ST3GAL3: variants seen among roughly 807,000 people sequenced by gnomAD.
ST3GAL3 encodes CMP-N-acetylneuraminate-beta-1,4-galactoside alpha-2,3-sialyltransferase.
Under a neutral mutation model 50.1 loss-of-function variants are expected in ST3GAL3, and 21 were observed. That is an observed-to-expected ratio of 0.42 (90% CI 0.30 to 0.60). ST3GAL3 has a LOEUF of 0.60. Among genes scored for constraint, ST3GAL3 ranks in the 20% least tolerant of loss-of-function variants. The pLI, the probability that ST3GAL3 is intolerant of heterozygous loss-of-function variation, is 0.19. For synonymous variants in ST3GAL3, 183 were observed against 190.0 expected (o/e 0.96, Z 0.30); for missense variants, 353 against 489.4 (o/e 0.72, Z 2.63).
chr1:43,885,056 A>G (rs2075747986), intron 5 of ST3GAL3, among the ~76,000 whole-genome samples: 1 of 152,228 alleles, frequency 6.6e-6, no homozygotes, highest in Non-Finnish European at 1.5e-5. Flanking sequence ...TGTTGAGGAC[A>G]TTCACCTTAT....
At chr1:43,735,594 T>C (rs1433146359) in intron 1 of ST3GAL3, among the ~76,000 whole-genome samples, 1 of 152,160 alleles carries the variant, frequency 6.6e-6, no homozygotes, top group Admixed American at 6.5e-5. Context: ...TGGATTCTTC[T>C]CCAGGGCCTC....
intron 2 of ST3GAL3, among the ~76,000 whole-genome samples, chr1:43,754,061 G>A (rs993632523): frequency 2.0e-5 from 3 of 152,076 alleles, no homozygotes; most frequent in Non-Finnish European, 4.4e-5. Context: ...AAAAGGAGAG[G>A]GTCTTGCTCT....
chr1:43,717,115 C>T (rs1003762332), intron 1 of ST3GAL3, among the ~76,000 whole-genome samples: 1 of 152,212 alleles, frequency 6.6e-6, no homozygotes, highest in Non-Finnish European at 1.5e-5. Flanking sequence ...TCAGGCAACG[C>T]CTCTGAAGCT....
chr1:43,741,698 A>G (rs546694466), intron 2 of ST3GAL3, among the ~76,000 whole-genome samples: 14 of 152,366 alleles, frequency 9.2e-5, no homozygotes, highest in African/African-American at 3.4e-4. Context: ...TGGTATCAGA[A>G]CTAGCCTCCT....
At chr1:43,871,838 A>AG (rs1255252506) in intron 5 of ST3GAL3, among the ~76,000 whole-genome samples, 2 of 3,304 alleles carry the variant, frequency 6.1e-4, no homozygotes, top group African/African-American at 3.3e-3. Context: ...GAGGGAGAGG[A>AG]GGGGTGTGGG....
At chr1:43,761,826 C>T (rs1361338342) in intron 2 of ST3GAL3, among the ~76,000 whole-genome samples, 1 of 151,604 alleles carries the variant, frequency 6.6e-6, no homozygotes, top group Non-Finnish European at 1.5e-5. Context: ...TGGTGGGCGC[C>T]TGTAGTCCCA....
intron 5 of ST3GAL3, among the ~76,000 whole-genome samples, chr1:43,846,968 A>T (rs749722746): frequency 2.6e-5 from 4 of 152,232 alleles, no homozygotes; most frequent in Non-Finnish European, 5.9e-5. Context: ...AAAAAAACTG[A>T]TTTAAAAGCG....
chr1:43,766,071 TA>T (rs1270964150), intron 2 of ST3GAL3, among the ~76,000 whole-genome samples: 1 of 152,020 alleles, frequency 6.6e-6, no homozygotes, highest in Non-Finnish European at 1.5e-5. Flanking sequence ...AGAGCTGGAA[TA>T]AAAAATCCAG....
At chr1:43,745,293 G>A (rs939800572) in intron 2 of ST3GAL3, among the ~76,000 whole-genome samples, 5 of 152,212 alleles carry the variant, frequency 3.3e-5, no homozygotes, top group Non-Finnish European at 5.9e-5. Context: ...AGGGATGGGG[G>A]ATGGGTAAAT....
chr1:43,759,447 A>G, intron 2 of ST3GAL3, among the ~76,000 whole-genome samples: 1 of 152,340 alleles, frequency 6.6e-6, no homozygotes, highest in East Asian at 1.9e-4. Context: ...CCATCTCAAA[A>G]AAACAAACAA....
At chr1:43,843,012 A>G (rs1243915829) in intron 5 of ST3GAL3, among the ~76,000 whole-genome samples, 2 of 152,228 alleles carry the variant, frequency 1.3e-5, no homozygotes, top group Non-Finnish European at 2.9e-5. Flanking sequence ...ATACATGGAC[A>G]GTCTTGTCGT....
chr1:43,752,200 A>G (rs1290430248), intron 2 of ST3GAL3, among the ~76,000 whole-genome samples: 1 of 152,140 alleles, frequency 6.6e-6, no homozygotes, highest in Non-Finnish European at 1.5e-5. Flanking sequence ...TTAATCTACT[A>G]GGTATGTTTG....
At chr1:43,881,692 C>G (rs1030698843) in intron 5 of ST3GAL3, among the ~76,000 whole-genome samples, 1 of 152,170 alleles carries the variant, frequency 6.6e-6, no homozygotes, top group Non-Finnish European at 1.5e-5. Flanking sequence ...GCCTGTCACA[C>G]ATGTCATGCA....
chr1:43,752,497 A>G (rs541629691), intron 2 of ST3GAL3, among the ~76,000 whole-genome samples: 3 of 152,048 alleles, frequency 2.0e-5, no homozygotes, highest in African/African-American at 7.2e-5. Flanking sequence ...TTATTCCCTC[A>G]CAATATTTTG....
At chr1:43,921,984 G>A in intron 11 of ST3GAL3, 1 of 382,364 alleles carries the variant, frequency 2.6e-6, no homozygotes, top group East Asian at 3.7e-5. Context: ...TTGAACTTCT[G>A]AGTCAGTAAT....
chr1:43,917,646 TATA>T (rs1415247261), intron 9 of ST3GAL3, among the ~76,000 whole-genome samples: 806 of 71,392 alleles, frequency 0.011, 15 homozygotes, highest in African/African-American at 0.039. Flanking sequence ...TAATATAATA[TATA>T]ATATAATATA....
chr1:43,917,297 C>T (rs2081969901), intron 9 of ST3GAL3, among the ~76,000 whole-genome samples: 1 of 149,566 alleles, frequency 6.7e-6, no homozygotes, highest in Non-Finnish European at 1.5e-5. Context: ...TTTTTCCATG[C>T]TTATTAACCT....
chr1:43,851,771 A>G (rs1468810793), intron 5 of ST3GAL3, among the ~76,000 whole-genome samples: 1 of 152,114 alleles, frequency 6.6e-6, no homozygotes, highest in African/African-American at 2.4e-5. Flanking sequence ...AGCCCCGCAC[A>G]TGTGCCTAGC....
chr1:43,883,163 C>A (rs1476051678), intron 5 of ST3GAL3, among the ~76,000 whole-genome samples: 1 of 151,956 alleles, frequency 6.6e-6, no homozygotes, highest in Admixed American at 6.6e-5. Flanking sequence ...ATGACAGGGT[C>A]TCAGTGTGTT....
Sources: gnomAD v4.1 joint callset for allele counts (sites outside exome capture counted in the v4.1 genomes callset) on GRCh38, gnomAD v4.1.1 for gene constraint, MANE v1.5 for transcripts, NCBI Gene and HGNC (gene_info 2026-07-23, HGNC 2026-07-21) for gene names.